PUDP: variants seen among roughly 807,000 people sequenced by gnomAD.
PUDP encodes the protein pseudouridine-5'-phosphatase.
A neutral mutation model predicts 9.4 loss-of-function variants in PUDP; 8 were observed. The observed-to-expected ratio is 0.85, with a 90% confidence interval of 0.50 to 1.53. The LOEUF is 1.53. Among genes scored for constraint, PUDP ranks in the 40% most tolerant of loss-of-function variants. The pLI is 0.00. For synonymous variants in PUDP, 99 were observed against 80.7 expected (o/e 1.23, Z -1.22); for missense variants, 188 against 189.7 (o/e 0.99, Z 0.05).
In PUDP at chrX:6,809,335, G is replaced by T. The variant is rs193113385; in HGVS notation, c.*248-102869C>A. Among the ~76,000 whole-genome samples the T allele has an allele frequency of 5.4e-4, 59 of 109,498 alleles. 2 individuals carry two copies. The highest frequency in any genetic ancestry group is 5.3e-3 in the Admixed American group (54 of 10,249). ...TTTTAAGATATGGGGTCTTGCTCTG[G>T]TGACCACACTGGAGTACAGTGGCGC... On this transcript the variant is annotated intron_variant and NMD_transcript_variant, in intron 3 of 3. Coordinates refer to the PUDP transcript ENST00000655425.
At chrX:7,100,669 C>T (rs1190152118) in intron 2 of PUDP, among the ~76,000 whole-genome samples, 1 of 111,628 alleles carries the variant, frequency 9.0e-6, no homozygotes, top group Non-Finnish European at 1.9e-5. Flanking sequence ...GGTCACCTTC[C>T]GAGGGGAATT....
At chrX:6,927,956 G>A (rs1315825832) in intron 3 of PUDP, among the ~76,000 whole-genome samples, 1 of 89,449 alleles carries the variant, frequency 1.1e-5, no homozygotes, top group Non-Finnish European at 2.3e-5. Context: ...AGGCAGGTGT[G>A]GTCTTCTCTT....
At chrX:6,953,534 G>C (rs754007106) in intron 3 of PUDP, among the ~76,000 whole-genome samples, 1 of 110,341 alleles carries the variant, frequency 9.1e-6, no homozygotes, top group African/African-American at 3.3e-5. Flanking sequence ...TAGGGAAAGA[G>C]AGGAAGTCAT....
At chrX:6,748,656 C>A (rs1002728288) in intron 3 of PUDP, among the ~76,000 whole-genome samples, 2 of 111,749 alleles carry the variant, frequency 1.8e-5, no homozygotes, top group Non-Finnish European at 3.8e-5. Context: ...TTGACACATG[C>A]AGAGACCATG....
At position 6,976,208 on chromosome X, in the gene PUDP, C is replaced by G. The variant is rs180863260; in HGVS notation, c.*247+925G>C. On this transcript the variant is annotated intron_variant and NMD_transcript_variant, in intron 3 of 3. Coordinates refer to the PUDP transcript ENST00000655425. The stretch of plus-strand genomic sequence containing the variant: ...TCAGCCCTCTTTCCAGTGGAGTGAA[C>G]AGTTCTGTCTTGCTGGCATTCCAGG... Among the ~76,000 whole-genome samples, 71 of 111,582 alleles carry G rather than the reference C, an allele frequency of 6.4e-4. No individual in the cohort carries two copies. In the East Asian group the frequency reaches 0.015, roughly 23 times the overall value.
chrX:6,775,108 C>G (rs999274757), intron 3 of PUDP, among the ~76,000 whole-genome samples: 6 of 112,081 alleles, frequency 5.4e-5, no homozygotes, highest in African/African-American at 1.9e-4. Context: ...TCCTCATTCC[C>G]TGCTCCCATC....
chrX:7,102,420 G>GA (rs1215491145), intron 2 of PUDP, among the ~76,000 whole-genome samples: 19 of 100,178 alleles, frequency 1.9e-4, no homozygotes, highest in South Asian at 4.3e-4. Context: ...ATTAAGGATA[G>GA]AAAAAAAAAA....
Position 6,984,266 on chromosome X carries a change from AAAG to A in PUDP, c.205-5926_205-5924del, listed in dbSNP as rs1160657820. Among the ~76,000 whole-genome samples, 10 of 112,026 alleles carry A rather than the reference AAAG, an allele frequency of 8.9e-5. No homozygotes were observed. The East Asian group carries it at 2.8e-3, about 32-fold the overall frequency. On this transcript the variant is annotated intron_variant and NMD_transcript_variant, in intron 1 of 3. Coordinates refer to the PUDP transcript ENST00000655425. ...TGCCAGAGACTGGAGAGGGGAAGGA[AAAG>A]AAGGAGCTAATGAGTATGGGGTTTA... is the stretch of plus-strand genomic sequence containing the variant.
intron 2 of PUDP, among the ~76,000 whole-genome samples, chrX:7,081,067 G>A (rs192078239): frequency 8.9e-6 from 1 of 111,983 alleles, no homozygotes; most frequent in Non-Finnish European, 1.9e-5. Flanking sequence ...AAAAAATGGA[G>A]CACACTTAAA....
At chrX:7,091,639 C>G (rs1931426290) in intron 2 of PUDP, among the ~76,000 whole-genome samples, 1 of 111,606 alleles carries the variant, frequency 9.0e-6, no homozygotes, top group Non-Finnish European at 1.9e-5. Context: ...CCGCGCCCGG[C>G]CTTAAATGGA....
intron 1 of PUDP, among the ~76,000 whole-genome samples, chrX:7,123,851 T>C (rs1932409132): frequency 8.9e-6 from 1 of 111,778 alleles, no homozygotes; most frequent in African/African-American, 3.2e-5. Context: ...GATGCAACAA[T>C]TATAAACATA....
chrX:6,991,088 T>G (rs1929170148), intron 1 of PUDP, among the ~76,000 whole-genome samples: 1 of 111,653 alleles, frequency 9.0e-6, no homozygotes, highest in African/African-American at 3.3e-5. Flanking sequence ...TTCAAATTTT[T>G]GACATTATGG....
At chrX:6,842,004 T>C (rs1050714649) in intron 3 of PUDP, among the ~76,000 whole-genome samples, 2 of 111,463 alleles carry the variant, frequency 1.8e-5, no homozygotes, top group African/African-American at 6.5e-5. Context: ...GTGCTGCGCA[T>C]GTTGAACTGT....
chrX:7,037,496 C>T (rs950883556), intron 1 of PUDP, among the ~76,000 whole-genome samples: 32 of 111,838 alleles, frequency 2.9e-4, no homozygotes, highest in African/African-American at 7.8e-4. Flanking sequence ...ATGTGTGCCA[C>T]CCAACCACTT....
Position 6,917,651 on chromosome X carries a change from T to C in PUDP, c.*247+59482A>G, listed in dbSNP as rs777690117. On this transcript the variant is annotated intron_variant and NMD_transcript_variant, in intron 3 of 3. Coordinates refer to the PUDP transcript ENST00000655425. The stretch of plus-strand genomic sequence containing the variant: ...AGCTAATGCATTGTTACTTCAGATG[T>C]AATGCATAATGCCTTTGTAATTATC... Among the ~76,000 whole-genome samples, 3 of 112,512 alleles carry C rather than the reference T, an allele frequency of 2.7e-5. No individual in the cohort carries two copies. The Admixed American group carries it at 2.8e-4, about 11-fold the overall frequency.
intron 2 of PUDP, among the ~76,000 whole-genome samples, chrX:7,104,406 C>T (rs769336309): frequency 9.0e-6 from 1 of 111,436 alleles, no homozygotes; most frequent in South Asian, 3.8e-4. Context: ...GAGGGCAGGG[C>T]GAAATGGGGA....
chrX:6,847,350 A>C (rs2146721043), intron 3 of PUDP, among the ~76,000 whole-genome samples: 1 of 112,173 alleles, frequency 8.9e-6, no homozygotes, highest in East Asian at 2.8e-4. Context: ...TTAAAGAAAA[A>C]AAAAATTGCC....
chrX:7,015,497 G>A (rs1929534427), intron 1 of PUDP, among the ~76,000 whole-genome samples: 1 of 111,714 alleles, frequency 9.0e-6, no homozygotes, highest in Non-Finnish European at 1.9e-5. Context: ...AGGGCGAGAG[G>A]ACCAATGAAT....
chrX:6,751,580 C>G (rs942594283), intron 3 of PUDP, among the ~76,000 whole-genome samples: 1 of 111,280 alleles, frequency 9.0e-6, no homozygotes, highest in African/African-American at 3.3e-5. Context: ...AGCCACAATC[C>G]TATTAGGTAA....
Sources: allele counts gnomAD v4.1 joint callset (sites outside exome capture counted in the v4.1 genomes callset), GRCh38; gene constraint gnomAD v4.1.1; transcripts MANE v1.5; gene names NCBI Gene and HGNC (gene_info 2026-07-23, HGNC 2026-07-21).